CD68: variants seen among roughly 807,000 people sequenced by gnomAD.
CD68 encodes macrosialin.
CD68 carries 24 observed loss-of-function variants against 31.3 expected under a neutral mutation model. That is an observed-to-expected ratio of 0.77 (90% CI 0.55 to 1.08). The LOEUF (loss-of-function observed/expected upper bound fraction) is 1.08, where lower values mean the gene tolerates loss of function less well. CD68 is among the 50% of genes least tolerant of loss of function. The probability of loss-of-function intolerance (pLI) is 0.00; values close to 1 mark genes in which losing one functional copy is unlikely to be tolerated. For synonymous variants in CD68, 190 were observed against 179.6 expected (o/e 1.06, Z -0.46); for missense variants, 461 against 442.5 (o/e 1.04, Z -0.38).
chr17:7,581,031 C>G lies in CD68; in HGVS notation c.896C>G (p.Ala299Gly). 6.2e-7 allele frequency: 1 copy of G among 1,614,040 alleles called. No individual in the cohort carries two copies. The highest frequency in any genetic ancestry group is 8.5e-7 in the Non-Finnish European group (1 of 1,179,964). ...GACCTGCTCTCCCTGAGGCTCCAGG[C>G]TGCTCAGCTGCCCCACACAGGGGTC... ...HLDLLSLRLQAAQLPHTGVFG... is the reference protein window; with the variant it reads ...HLDLLSLRLQGAQLPHTGVFG... The change falls in exon 5 of 6, where the codon GCT becomes GGT. Residue 299 changes from alanine (A) to glycine (G), a missense_variant. Transcript: ENST00000250092.
At position 7,580,143 on chromosome 17, in the gene CD68, C is replaced by G. The variant is rs1567737576; in HGVS notation, c.383C>G (p.Thr128Ser). The G allele has an allele frequency of 1.9e-6, 3 of 1,614,102 alleles. No individual in the cohort carries two copies. Among genetic ancestry groups the G allele is most frequent in the Admixed American group, 1.7e-5 (1 of 60,002 alleles). The change falls in exon 2 of 6, where the codon ACT becomes AGT. Residue 128 changes from threonine (T) to serine (S), a missense_variant. Coordinates refer to ENST00000250092, the MANE Select transcript of CD68 (RefSeq NM_001251.3). The surrounding 1 kb of genome is among the most constrained non-coding windows in gnomAD (Gnocchi z 4.3). ...ACGGTTCATCCAACAAGCAACAGCA[C>G]TGCCACCAGCCCAGGATTCACCAGT... ...NATVHPTSNSTATSPGFTSSA... is the reference protein window; with the variant it reads ...NATVHPTSNSSATSPGFTSSA...
In CD68 at chr17:7,582,015, C is replaced by T. The variant is rs1230648704; in HGVS notation, c.*504C>T. ...TTTTATTAAATGTGACGAACTGCCC[C>T]CCCCCCCCCCCCAGCAGGAGAGCAG... On this transcript the variant is annotated 3_prime_UTR_variant, in exon 6 of 6. Coordinates refer to ENST00000250092, the MANE Select transcript of CD68 (RefSeq NM_001251.3). The T allele has an allele frequency of 6.7e-5, 3 of 44,782 alleles. No individual in the cohort carries two copies. Among genetic ancestry groups the T allele is most frequent in the Non-Finnish European group, 1.6e-4 (3 of 19,068 alleles). 2.8% of individuals were successfully genotyped at this position (44,782 alleles called of 1,614,324 possible). A position where few individuals can be genotyped will look rare whatever the true frequency, so the allele number is the denominator to read the frequency against.
rs1215637321 is a variant in CD68 at position 7,581,388 on chromosome 17, C to T, written c.942C>T (p.Cys314=). 2.5e-6 allele frequency: 4 copies of T among 1,614,172 alleles called. No individual in the cohort carries two copies. Among genetic ancestry groups the T allele is most frequent in the Non-Finnish European group, 3.4e-6 (4 of 1,180,026 alleles). ...CTATCCTTCCGCCAGGTTTCTCCTG[C>T]CCCAGTGACCGGTCCATCTTGCTGC... The part of the protein sequence containing the change: ...HTGVFGQSFS[C]PSDRSILLPL... Residue 314 remains cysteine (C), a synonymous_variant, in exon 6 of 6, where the codon TGC becomes TGT. Coordinates refer to ENST00000250092, the MANE Select transcript of CD68 (RefSeq NM_001251.3).
rs922666784 is a variant in CD68 at position 7,580,413 on chromosome 17, C to G, written c.568-53C>G. 8.1e-6 allele frequency: 13 copies of G among 1,611,352 alleles called. No individual in the cohort carries two copies. The African/African-American group carries it at 1.3e-4, about 17-fold the overall frequency. ...GAAGAAGGAAGAGGGGACAGGGAAC[C>G]TTGGCCGGCATCGCATGCAGTCTTG... On this transcript the variant is annotated intron_variant, in intron 2 of 5. Transcript: ENST00000250092. The surrounding 1 kb of genome is among the most constrained non-coding windows in gnomAD (Gnocchi z 4.3).
Position 7,579,640 on chromosome 17 carries a change from A to G in CD68, c.-38A>G. On this transcript the variant is annotated 5_prime_UTR_variant, in exon 1 of 6. Coordinates refer to ENST00000250092, the MANE Select transcript of CD68 (RefSeq NM_001251.3). ...GGGAGCAGGGTTGAGCAACTGGTGC[A>G]GACAGCCTAGCTGGACTTTGGGTGA... 6.3e-7 allele frequency: 1 copy of G among 1,589,696 alleles called. No individual in the cohort carries two copies. Among genetic ancestry groups the G allele is most frequent in the Non-Finnish European group, 8.6e-7 (1 of 1,168,496 alleles).
At position 7,581,554 on chromosome 17, in the gene CD68, G is replaced by C; in HGVS notation, c.*43G>C. 6 of 1,604,044 alleles carry C rather than the reference G, an allele frequency of 3.7e-6. No homozygotes were observed. The highest frequency in any genetic ancestry group is 4.3e-6 in the Non-Finnish European group (5 of 1,171,508). On this transcript the variant is annotated 3_prime_UTR_variant, in exon 6 of 6. Coordinates refer to ENST00000250092, the MANE Select transcript of CD68 (RefSeq NM_001251.3). ...CAGGGCACTGAGGGGGTTGGGGTGT[G>C]GTGGGGGGGTACCCTTATTTCCTCG...
intron 5 of CD68, 36 bp from the exon 6 acceptor site, chr17:7,581,342 C>T (rs1402916583): frequency 2.5e-6 from 4 of 1,613,554 alleles, no homozygotes; most frequent in Non-Finnish European, 3.4e-6. Context: ...ACCAGCACGT[C>T]ACTGCAAATA....
Position 7,581,449 on chromosome 17 carries a change from G to C in CD68, c.1003G>C (p.Ala335Pro), listed in dbSNP as rs1280124813. Reference sequence around the variant, plus strand: ...CGGCCTGATCCTTCTTGGCCTCCTCGCCCTGGTGCTTATTGCTTTCTGCAT... The same window carrying C: ...CGGCCTGATCCTTCTTGGCCTCCTCCCCCTGGTGCTTATTGCTTTCTGCAT... ...IIGLILLGLL[A>P]LVLIAFCIIR... The change falls in exon 6 of 6, where the codon GCC (alanine) becomes CCC (proline). Residue 335 changes from alanine (A) to proline (P), a missense_variant. Physicochemically the swap from Ala to Pro is conservative, Grantham distance 27. Coordinates refer to ENST00000250092, the MANE Select transcript of CD68 (RefSeq NM_001251.3). The C allele has an allele frequency of 3.1e-6, 5 of 1,613,874 alleles. No individual in the cohort carries two copies. The highest frequency in any genetic ancestry group is 4.2e-6 in the Non-Finnish European group (5 of 1,180,000).
Position 7,580,774 on chromosome 17 carries a change from C to T in CD68, c.751C>T (p.His251Tyr). 1 of 1,614,066 alleles carries T rather than the reference C, an allele frequency of 6.2e-7. No individual in the cohort carries two copies. Among genetic ancestry groups the T allele is most frequent in the Non-Finnish European group, 8.5e-7 (1 of 1,179,988 alleles). The change falls in exon 4 of 6, where the codon CAC becomes TAC. Residue 251 changes from histidine to tyrosine, a missense_variant. His to Tyr is a moderately conservative substitution (Grantham distance 83, BLOSUM62 2). Coordinates refer to ENST00000250092, the MANE Select transcript of CD68 (RefSeq NM_001251.3). The surrounding 1 kb of genome is among the most constrained non-coding windows in gnomAD (Gnocchi z 4.3). ...MAVEYNVSFPHAAQWTFSAQN... is the reference protein window; with the variant it reads ...MAVEYNVSFPYAAQWTFSAQN... ...GGTGGAGTACAATGTGTCCTTCCCC[C>T]ACGCAGCACGTAAGTAACCTCCTTC... is the stretch of plus-strand genomic sequence containing the variant.
In CD68 at chr17:7,580,782, AC is replaced by A. The variant is rs1469978205; in HGVS notation, c.760del (p.Gln254SerfsTer42). The A allele has an allele frequency of 6.8e-6, 11 of 1,613,818 alleles. No homozygotes were observed. Among genetic ancestry groups the A allele is most frequent in the Admixed American group, 1.7e-5 (1 of 59,988 alleles). ...ACAATGTGTCCTTCCCCCACGCAGC[AC>A]GTAAGTAACCTCCTTCCCTTTCTCA... ...EYNVSFPHAA[Q>X]WTFSAQNASL... On this transcript the variant is annotated frameshift_variant and splice_region_variant, in exon 4 of 6. Transcript: ENST00000250092. LOFTEE classifies it high-confidence loss of function. The surrounding 1 kb of genome is among the most constrained non-coding windows in gnomAD (Gnocchi z 4.3).
chr17:7,580,664 C>T lies in CD68; in HGVS notation c.688-47C>T, dbSNP rs371409397. 22 of 1,613,764 alleles carry T rather than the reference C, an allele frequency of 1.4e-5. No homozygotes were observed. The African/African-American group carries it at 2.0e-4, about 15-fold the overall frequency. On this transcript the variant is annotated intron_variant, in intron 3 of 5. Coordinates refer to ENST00000250092, the MANE Select transcript of CD68 (RefSeq NM_001251.3). This position sits in a 1 kb window ranked among gnomAD's most constrained non-coding sequence, Gnocchi z 4.3. ...CTCCCAATCCCACACGCTACTCCTT[C>T]CTCTGTGGAGAGGGATACCACCTGC...
chr17:7,580,713 C>T lies in CD68; in HGVS notation c.690C>T (p.Asp230=). Residue 230 remains aspartate, a splice_region_variant and synonymous_variant, in exon 4 of 6, where the codon GAC becomes GAT. Coordinates refer to ENST00000250092, the MANE Select transcript of CD68 (RefSeq NM_001251.3). This position sits in a 1 kb window ranked among gnomAD's most constrained non-coding sequence, Gnocchi z 4.3. Reference sequence around the variant, plus strand: ...GCGCCTTCCTCTTCGCCCCACAGGACCTCCAGCAGAAGGTTGTCTACCTGA... The same window carrying T: ...GCGCCTTCCTCTTCGCCCCACAGGATCTCCAGCAGAAGGTTGTCTACCTGA... ...YGHLSFGFMQ[D]LQQKVVYLSY... The T allele has an allele frequency of 6.2e-7, 1 of 1,614,064 alleles. No homozygotes were observed. Among genetic ancestry groups the T allele is most frequent in the Non-Finnish European group, 8.5e-7 (1 of 1,179,992 alleles).
In CD68 at chr17:7,581,578, C is replaced by T. The variant is rs1029856551; in HGVS notation, c.*67C>T. 11 of 1,492,016 alleles carry T rather than the reference C, an allele frequency of 7.4e-6. No individual in the cohort carries two copies. Among genetic ancestry groups the T allele is most frequent in the South Asian group, 1.1e-5 (1 of 88,400 alleles). 92.4% of individuals were successfully genotyped at this position (1,492,016 alleles called of 1,614,324 possible). ...TGGTGGGGGGGTACCCTTATTTCCT[C>T]GACACGCAACTGGCTCAAAGACAAT... On this transcript the variant is annotated 3_prime_UTR_variant, in exon 6 of 6. Coordinates refer to ENST00000250092, the MANE Select transcript of CD68 (RefSeq NM_001251.3).
rs758113624 is a variant in CD68 at position 7,580,888 on chromosome 17, T to C, written c.761-8T>C. Reference sequence around the variant, plus strand: ...TGGATAGGATCTGACCCTTCCTCACTCCTCCAGAGTGGACATTCTCGGCTC... The same window carrying C: ...TGGATAGGATCTGACCCTTCCTCACCCCTCCAGAGTGGACATTCTCGGCTC... On this transcript the variant is annotated splice_region_variant and splice_polypyrimidine_tract_variant and intron_variant, in intron 4 of 5. Transcript: ENST00000250092. This position sits in a 1 kb window ranked among gnomAD's most constrained non-coding sequence, Gnocchi z 4.3. 6.2e-7 allele frequency: 1 copy of C among 1,613,792 alleles called. No individual in the cohort carries two copies. The highest frequency in any genetic ancestry group is 8.5e-7 in the Non-Finnish European group (1 of 1,179,914).
At position 7,581,358 on chromosome 17, in the gene CD68, C is replaced by T. The variant is rs777874530; in HGVS notation, c.932-20C>T. The T allele has an allele frequency of 6.2e-6, 10 of 1,614,084 alleles. No individual in the cohort carries two copies. Among genetic ancestry groups the T allele is most frequent in the Middle Eastern group, 1.7e-4 (1 of 6,058 alleles). ...CCAGCACGTCACTGCAAATACCTAC[C>T]TGCCCTATCCTTCCGCCAGGTTTCT... On this transcript the variant is annotated intron_variant, in intron 5 of 5. Coordinates refer to ENST00000250092, the MANE Select transcript of CD68 (RefSeq NM_001251.3).
rs371385448 is a variant in CD68, at chr17:7,580,311, C to T, written c.551C>T (p.Thr184Ile). 150 of 1,612,982 alleles carry T rather than the reference C, an allele frequency of 9.3e-5. No homozygotes were observed. The highest frequency in any genetic ancestry group is 1.2e-4 in the Non-Finnish European group (146 of 1,179,338). ...AQIQIRVMYTTQGGGEAWGIS... is the reference protein window; with the variant it reads ...AQIQIRVMYTIQGGGEAWGIS... ...ATTCAGATTCGAGTCATGTACACAA[C>T]CCAGGGTGGAGGAGAGGTAAAGCTA... The change falls in exon 2 of 6, where the codon ACC becomes ATC. Residue 184 changes from threonine to isoleucine, a missense_variant. Coordinates refer to ENST00000250092, the MANE Select transcript of CD68 (RefSeq NM_001251.3). This position sits in a 1 kb window ranked among gnomAD's most constrained non-coding sequence, Gnocchi z 4.3.
In CD68 at chr17:7,581,738, A is replaced by G; in HGVS notation, c.*227A>G. ...GGAGTTTGAGACCAGCCTGGCCAAC[A>G]TGGTGAAACCCTGTCTCTACTAAAA... On this transcript the variant is annotated 3_prime_UTR_variant, in exon 6 of 6. Transcript: ENST00000250092. 1 of 492,180 alleles carries G rather than the reference A, an allele frequency of 2.0e-6. No individual in the cohort carries two copies. Among genetic ancestry groups the G allele is most frequent in the Non-Finnish European group, 3.7e-6 (1 of 269,704 alleles). 30.5% of individuals were successfully genotyped at this position (492,180 alleles called of 1,614,324 possible). A position where few individuals can be genotyped will look rare whatever the true frequency, so the allele number is the denominator to read the frequency against.
rs760551605 is a variant in CD68 at position 7,580,714 on chromosome 17, C to T, written c.691C>T (p.Leu231Phe). Residue 231 changes from leucine to phenylalanine, a missense_variant, in exon 4 of 6, where the codon CTC becomes TTC. Leu to Phe is a conservative substitution (Grantham distance 22, BLOSUM62 0). Coordinates refer to ENST00000250092, the MANE Select transcript of CD68 (RefSeq NM_001251.3). The surrounding 1 kb of genome is among the most constrained non-coding windows in gnomAD (Gnocchi z 4.3). Reference protein sequence around the residue: ...GHLSFGFMQDLQQKVVYLSYM... With the variant: ...GHLSFGFMQDFQQKVVYLSYM... The stretch of plus-strand genomic sequence containing the variant: ...CGCCTTCCTCTTCGCCCCACAGGAC[C>T]TCCAGCAGAAGGTTGTCTACCTGAG... 1 of 1,614,046 alleles carries T rather than the reference C, an allele frequency of 6.2e-7. No homozygotes were observed. Among genetic ancestry groups the T allele is most frequent in the Non-Finnish European group, 8.5e-7 (1 of 1,180,002 alleles).
chr17:7,580,232 G>A lies in CD68; in HGVS notation c.472G>A (p.Gly158Arg), dbSNP rs771236475. Reference protein sequence around the residue: ...SPSPTSKETIGDYTWTNGSQP... With the variant: ...SPSPTSKETIRDYTWTNGSQP... ...TAGCCCAACCTCCAAGGAGACCATT[G>A]GAGACTACACGTGGACCAATGGTTC... Residue 158 changes from glycine to arginine, a missense_variant, in exon 2 of 6, where the codon GGA becomes AGA. Gly to Arg is a moderately radical substitution (Grantham distance 125, BLOSUM62 -2). Transcript: ENST00000250092. This position sits in a 1 kb window ranked among gnomAD's most constrained non-coding sequence, Gnocchi z 4.3. 2.5e-6 allele frequency: 4 copies of A among 1,613,922 alleles called. No homozygotes were observed. The highest frequency in any genetic ancestry group is 1.1e-5 in the South Asian group (1 of 91,050).
Sources: allele counts gnomAD v4.1 joint callset, GRCh38; gene constraint gnomAD v4.1.1; non-coding constraint Gnocchi (gnomAD v3.1); transcripts MANE v1.5; gene names NCBI Gene and HGNC (gene_info 2026-07-23, HGNC 2026-07-21).